The following RBMS3 variants were observed in gnomAD, a reference collection of about 807,000 sequenced individuals.
RBMS3 encodes RNA-binding motif, single-stranded-interacting protein 3.
A neutral mutation model predicts 66.8 loss-of-function variants in RBMS3; 27 were observed. That is an observed-to-expected ratio of 0.40 (90% CI 0.30 to 0.56). The LOEUF (loss-of-function observed/expected upper bound fraction) is 0.56, where lower values mean the gene tolerates loss of function less well. Ranked by LOEUF, RBMS3 falls within the 20% of genes least tolerant of loss-of-function variation. RBMS3 has a pLI of 0.40. For synonymous variants in RBMS3, 188 were observed against 183.0 expected (o/e 1.03, Z -0.22); for missense variants, 513 against 549.5 (o/e 0.93, Z 0.66).
At chr3:29,801,552 G>A (rs2057391221) in intron 6 of RBMS3, among the ~76,000 whole-genome samples, 2 of 52,046 alleles carry the variant, frequency 3.8e-5, no homozygotes, top group South Asian at 7.7e-4. Flanking sequence ...ACAGGCATGA[G>A]CACCTGACCA....
At chr3:29,731,884 C>A (rs1329953131) in intron 4 of RBMS3, among the ~76,000 whole-genome samples, 1 of 151,722 alleles carries the variant, frequency 6.6e-6, no homozygotes, top group Non-Finnish European at 1.5e-5. Flanking sequence ...GTCCTTCTGT[C>A]CATCTCCCTC....
At position 29,734,562 on chromosome 3, in the gene RBMS3, G is replaced by A. The variant is rs544635071; in HGVS notation, c.400-5158G>A. ...CCAATTAAAAATGTTTTTTAAAAAGGGTTCGATAGTATATAAAGTAAGCAA... is the reference window on the plus strand; with the variant it reads ...CCAATTAAAAATGTTTTTTAAAAAGAGTTCGATAGTATATAAAGTAAGCAA... On this transcript the variant is annotated intron_variant, in intron 4 of 14. Coordinates refer to ENST00000383767, the MANE Select transcript of RBMS3 (RefSeq NM_001003793.3). Among the ~76,000 whole-genome samples the A allele has an allele frequency of 2.6e-5, 4 of 151,978 alleles. No homozygotes were observed. The South Asian group carries it at 8.3e-4, about 32-fold the overall frequency.
chr3:29,318,423 G>T (rs766456784), intron 1 of RBMS3, among the ~76,000 whole-genome samples: 1 of 151,808 alleles, frequency 6.6e-6, no homozygotes, highest in South Asian at 2.1e-4. Flanking sequence ...GATGTACTGC[G>T]TAAGTCAAAT....
chr3:29,449,625 A>G (rs1055879500), intron 2 of RBMS3, among the ~76,000 whole-genome samples: 2 of 152,240 alleles, frequency 1.3e-5, no homozygotes, highest in African/African-American at 2.4e-5. Context: ...AAGCAATGTT[A>G]ATTAAACAAA....
intron 4 of RBMS3, among the ~76,000 whole-genome samples, chr3:29,624,540 A>C: frequency 6.6e-6 from 1 of 152,156 alleles, no homozygotes; most frequent in East Asian, 1.9e-4. Flanking sequence ...GACTCTTACT[A>C]TGCTTTAGAA....
intron 10 of RBMS3, among the ~76,000 whole-genome samples, chr3:29,916,263 G>A (rs114104497): frequency 9.4e-4 from 142 of 151,732 alleles, no homozygotes; most frequent in African/African-American, 3.0e-3. Flanking sequence ...TTTACTTTTG[G>A]TGCTATACAG....
At chr3:29,628,130 G>A (rs2049139641) in intron 4 of RBMS3, among the ~76,000 whole-genome samples, 1 of 152,164 alleles carries the variant, frequency 6.6e-6, no homozygotes, top group Non-Finnish European at 1.5e-5. Context: ...TGTGGAGGGA[G>A]TGATACATCT....
intron 2 of RBMS3, among the ~76,000 whole-genome samples, chr3:29,473,036 A>G (rs1473605284): frequency 1.3e-5 from 2 of 151,452 alleles, no homozygotes; most frequent in Non-Finnish European, 1.5e-5. Context: ...CTAGATACAG[A>G]GTGTAGATTG....
intron 6 of RBMS3, among the ~76,000 whole-genome samples, chr3:29,772,169 G>A (rs896734954): frequency 2.6e-5 from 4 of 151,974 alleles, no homozygotes; most frequent in African/African-American, 9.7e-5. Context: ...CAAAGACTTG[G>A]ATTTCCCCCC....
At chr3:29,683,189 T>C (rs1466908362) in intron 4 of RBMS3, among the ~76,000 whole-genome samples, 2 of 152,200 alleles carry the variant, frequency 1.3e-5, no homozygotes, top group Admixed American at 1.3e-4. Context: ...CTCCATGTGA[T>C]CTTTCTCTTC....
intron 1 of RBMS3, among the ~76,000 whole-genome samples, chr3:29,308,275 A>G (rs1311620821): frequency 2.0e-5 from 3 of 151,954 alleles, no homozygotes; most frequent in East Asian, 1.9e-4. Context: ...ATTCACCTGT[A>G]TGGTTGGGGA....
chr3:30,000,570 C>T (rs1434802892), intron 14 of RBMS3, among the ~76,000 whole-genome samples: 1 of 152,148 alleles, frequency 6.6e-6, no homozygotes, highest in Admixed American at 6.5e-5. Flanking sequence ...AATCATTCTA[C>T]TATAAAGACA....
chr3:29,788,025 C>T (rs2056880166), intron 6 of RBMS3, among the ~76,000 whole-genome samples: 1 of 152,034 alleles, frequency 6.6e-6, no homozygotes, highest in Admixed American at 6.6e-5. Context: ...CTCTTTCTTT[C>T]CTGTGACACA....
At chr3:29,377,989 T>C (rs2038564381) in intron 1 of RBMS3, among the ~76,000 whole-genome samples, 2 of 152,194 alleles carry the variant, frequency 1.3e-5, no homozygotes, top group African/African-American at 4.8e-5. Context: ...TATTATCACC[T>C]TAATATATAA....
intron 1 of RBMS3, 126 bp from the exon 2 acceptor site, chr3:29,434,617 G>T: frequency 8.1e-7 from 1 of 1,241,878 alleles, no homozygotes; most frequent in Non-Finnish European, 1.1e-6. Context: ...TGATATAAAT[G>T]TGTGTGTGTA....
chr3:29,581,170 C>T (rs1042139880), intron 3 of RBMS3, among the ~76,000 whole-genome samples: 10 of 152,024 alleles, frequency 6.6e-5, no homozygotes, highest in African/African-American at 1.5e-4. Flanking sequence ...TGTGGTATCC[C>T]GGCTTTACTA....
At chr3:29,504,372 A>G (rs1315291102) in intron 3 of RBMS3, among the ~76,000 whole-genome samples, 1 of 152,102 alleles carries the variant, frequency 6.6e-6, no homozygotes, top group Non-Finnish European at 1.5e-5. Flanking sequence ...GAAATTTGTG[A>G]TGATTGGTCT....
chr3:29,713,047 T>G (rs180878288), intron 4 of RBMS3, among the ~76,000 whole-genome samples: 1 of 152,082 alleles, frequency 6.6e-6, no homozygotes, highest in Non-Finnish European at 1.5e-5. Context: ...TGTGAGGATG[T>G]GATTTTGGTA....
At chr3:29,306,016 C>T (rs2033983810) in intron 1 of RBMS3, among the ~76,000 whole-genome samples, 1 of 151,930 alleles carries the variant, frequency 6.6e-6, no homozygotes, top group Non-Finnish European at 1.5e-5. Flanking sequence ...CATGAAGAAA[C>T]AATGGCACAT....
Sources: allele counts gnomAD v4.1 joint callset (sites outside exome capture counted in the v4.1 genomes callset), GRCh38; gene constraint gnomAD v4.1.1; transcripts MANE v1.5; gene names NCBI Gene and HGNC (gene_info 2026-07-23, HGNC 2026-07-21).